Variants in RAPH1 observed in about 807,000 individuals in gnomAD.
RAPH1 encodes Ras association (RalGDS/AF-6) and pleckstrin homology domains 1, also known as ras-associated and pleckstrin homology domains-containing protein 1.
A neutral mutation model predicts 88.1 loss-of-function variants in RAPH1; 18 were observed. The observed-to-expected ratio is 0.20, with a 90% CI of 0.14 to 0.30. RAPH1 has a LOEUF of 0.30. Ranked by LOEUF, RAPH1 falls within the 10% of genes least tolerant of loss-of-function variation. The probability of loss-of-function intolerance (pLI) is 1.00; values close to 1 mark genes in which losing one functional copy is unlikely to be tolerated. For missense variants in RAPH1, 1,448 were observed against 1,543.2 expected, an observed-to-expected ratio of 0.94 and a Z score of 1.03; for synonymous variants, 587 against 559.0, an observed-to-expected ratio of 1.05 and a Z score of -0.71.
intron 1 of RAPH1, among the ~76,000 whole-genome samples, chr2:203,517,359 CAAAAAAAAAAA>C (rs71408943): frequency 4.0e-4 from 13 of 32,150 alleles, no homozygotes; most frequent in African/African-American, 7.7e-4. Flanking sequence ...CTATGAGAGG[CAAAAAAAAAAA>C]AAAAAAAAAA....
intron 4 of RAPH1, among the ~76,000 whole-genome samples, chr2:203,478,927 T>C (rs963625407): frequency 6.6e-6 from 1 of 152,240 alleles, no homozygotes; most frequent in African/African-American, 2.4e-5. Context: ...ATTGTTTTTG[T>C]TTTTCCCTGT....
At chr2:203,522,988 C>G (rs1347983980) in intron 1 of RAPH1, among the ~76,000 whole-genome samples, 1 of 151,396 alleles carries the variant, frequency 6.6e-6, no homozygotes, top group Non-Finnish European at 1.5e-5. Flanking sequence ...CACTATCCAG[C>G]TAAATAATCA....
At chr2:203,457,795 C>T (rs1447231092) in intron 7 of RAPH1, among the ~76,000 whole-genome samples, 200 bp from the exon 8 acceptor site, 2 of 152,184 alleles carry the variant, frequency 1.3e-5, no homozygotes, top group African/African-American at 2.4e-5. Flanking sequence ...AAATGCTTAA[C>T]ACCAGTCTCC....
Position 203,454,534 on chromosome 2 carries a change from G to A in RAPH1, c.1309C>T (p.Arg437Trp), listed in dbSNP as rs751275192. ...YVPKGKAKVSRDLVCFLQLDH... is the reference protein window; with the variant it reads ...YVPKGKAKVSWDLVCFLQLDH... The stretch of plus-strand genomic sequence containing the variant: ...AGCTGGAGAAAGCACACCAGATCCC[G>A]AGAGACCTAAGATAAAAACACCAAA... Residue 437 changes from arginine (R) to tryptophan (W), a missense_variant, in exon 10 of 14, where the codon CGG becomes TGG. Arg to Trp is a moderately radical substitution (Grantham distance 101, BLOSUM62 -3). Transcript: ENST00000319170. 2.6e-5 allele frequency: 42 copies of A among 1,610,778 alleles called. 2 individuals are homozygous for A. Among genetic ancestry groups the A allele is most frequent in the Middle Eastern group, 1.6e-4 (1 of 6,082 alleles).
intron 3 of RAPH1, among the ~76,000 whole-genome samples, 183 bp downstream of exon 3, chr2:203,491,031 C>T (rs1430600854): frequency 4.6e-5 from 6 of 129,176 alleles, no homozygotes; most frequent in Admixed American, 8.6e-5. Context: ...GCGACAAAAG[C>T]GAAACTCTGT....
At chr2:203,489,363 A>C (rs1688138686) in intron 4 of RAPH1, among the ~76,000 whole-genome samples, 1 of 152,210 alleles carries the variant, frequency 6.6e-6, no homozygotes, top group Admixed American at 6.5e-5. Flanking sequence ...CAAATACTAT[A>C]GTCACGAGAA....
rs1296098396 is a variant in RAPH1 at position 203,527,233 on chromosome 2, TA to T, written c.-1+7877del. 3.3e-5 allele frequency among the ~76,000 whole-genome samples: 5 copies of T among 152,316 alleles called. No individual in the cohort carries two copies. In the East Asian group the frequency reaches 9.6e-4, roughly 29 times the overall value. ...TAATCCTTATCTTAATACACACATG[TA>T]TTTTATATATAATACATATTTATCC... On this transcript the variant is annotated intron_variant, in intron 1 of 13. Transcript: ENST00000319170.
At chr2:203,453,711 T>C (rs1306370791) in intron 10 of RAPH1, among the ~76,000 whole-genome samples, 1 of 151,938 alleles carries the variant, frequency 6.6e-6, no homozygotes, top group Non-Finnish European at 1.5e-5. Context: ...AAACATGATA[T>C]GAACATGTAG....
chr2:203,480,308 G>A (rs1329270813), intron 4 of RAPH1, among the ~76,000 whole-genome samples: 1 of 152,200 alleles, frequency 6.6e-6, no homozygotes, highest in African/African-American at 2.4e-5. Context: ...CAGCACTTTG[G>A]GAGGCCCAGG....
intron 13 of RAPH1, chr2:203,444,421 A>G (rs1024366468): frequency 1.6e-5 from 2 of 126,402 alleles, no homozygotes; most frequent in African/African-American, 6.5e-5. Flanking sequence ...ACAGACTGAC[A>G]CTCTGTCAAA....
At chr2:203,478,486 T>C (rs775765520) in intron 4 of RAPH1, among the ~76,000 whole-genome samples, 10 of 146,006 alleles carry the variant, frequency 6.8e-5, no homozygotes, top group Non-Finnish European at 1.3e-4. Context: ...TCATTTTTTG[T>C]TTTTTTTTGT....
In RAPH1 at chr2:203,440,275, G is replaced by A. The variant is rs562041021; in HGVS notation, c.2915C>T (p.Pro972Leu). ...KTSSPGGKKP[P>L]PTPQRNSSIK... Reference sequence around the variant, plus strand: ...GCTGGAGTTGCGCTGTGGGGTTGGGGGTGGTTTCTTTCCCCCAGGGCTGGA... The same window carrying A: ...GCTGGAGTTGCGCTGTGGGGTTGGGAGTGGTTTCTTTCCCCCAGGGCTGGA... The change falls in exon 14 of 14, where the codon CCC (proline) becomes CTC (leucine). Residue 972 changes from proline (P) to leucine (L), a missense_variant. Physicochemically the swap from Pro to Leu is moderately conservative, Grantham distance 98. This residue lies in a region of RAPH1 where 935 missense variants were observed against 890.1 expected (regional missense o/e 1.05). Coordinates refer to ENST00000319170, the MANE Select transcript of RAPH1 (RefSeq NM_213589.3). 2 of 1,613,892 alleles carry A rather than the reference G, an allele frequency of 1.2e-6. No individual in the cohort carries two copies. Among genetic ancestry groups the A allele is most frequent in the South Asian group, 1.1e-5 (1 of 91,048 alleles).
chr2:203,449,322 G>A (rs111470175), intron 10 of RAPH1, among the ~76,000 whole-genome samples: 20 of 152,330 alleles, frequency 1.3e-4, no homozygotes, highest in African/African-American at 4.8e-4. Context: ...CTATGGCACA[G>A]CACCTGGGAC....
chr2:203,448,761 C>A lies in RAPH1; in HGVS notation c.1489G>T (p.Val497Phe), dbSNP rs1485940882. The A allele has an allele frequency of 6.2e-7, 1 of 1,607,510 alleles. No individual in the cohort carries two copies. The highest frequency in any genetic ancestry group is 8.5e-7 in the Non-Finnish European group (1 of 1,176,770). ...CDDVRTLHQWVNGIRIAKYGK... is the reference protein window; with the variant it reads ...CDDVRTLHQWFNGIRIAKYGK... ...GCCTTTGCAATGCGGATCCCATTGACCCACTGATGCAGTGTCCTCACATCA... is the reference window on the plus strand; with the variant it reads ...GCCTTTGCAATGCGGATCCCATTGAACCACTGATGCAGTGTCCTCACATCA... The change falls in exon 11 of 14, where the codon GTC (valine) becomes TTC (phenylalanine). Residue 497 changes from valine (V) to phenylalanine (F), a missense_variant. Transcript: ENST00000319170. This position sits in a 1 kb window ranked among gnomAD's most constrained non-coding sequence, Gnocchi z 4.1.
chr2:203,441,264 TGGAGGGGGTGGTGGA>T lies in RAPH1; in HGVS notation c.1911_1925del (p.Pro644_Pro648del). On this transcript the variant is annotated inframe_deletion, in exon 14 of 14. Transcript: ENST00000319170. Reference sequence around the variant, plus strand: ...TGGGGAGTGGGGGAGGAGGGGGTGGTGGAGGGGGTGGTGGAGGAGGAGGTGGGGGTGGCGGAGGAG... The same window carrying T: ...TGGGGAGTGGGGGAGGAGGGGGTGGTGGAGGAGGTGGGGGTGGCGGAGGAG... The T allele has an allele frequency of 6.2e-6, 1 of 161,084 alleles. No homozygotes were observed. 10.0% of individuals were successfully genotyped at this position (161,084 alleles called of 1,614,324 possible). A position where few individuals can be genotyped will look rare whatever the true frequency, so the allele number is the denominator to read the frequency against.
chr2:203,517,991 A>T (rs1178526691), intron 1 of RAPH1, among the ~76,000 whole-genome samples: 2 of 152,144 alleles, frequency 1.3e-5, no homozygotes, highest in Non-Finnish European at 2.9e-5. Flanking sequence ...CTAAATAAAC[A>T]GAAGAAATAA....
At position 203,488,604 on chromosome 2, in the gene RAPH1, A is replaced by AC. The variant is rs1400437771; in HGVS notation, c.732+979_732+980insG. Among the ~76,000 whole-genome samples, 4 of 147,996 alleles carry AC rather than the reference A, an allele frequency of 2.7e-5. No individual in the cohort carries two copies. The East Asian group carries it at 6.0e-4, about 22-fold the overall frequency. ...TCCGTCTATTAAAAAAAAAAAAAAA[A>AC]AAAAAAAAAAAAAACCTGTTTATGA... On this transcript the variant is annotated intron_variant, in intron 4 of 13. Coordinates refer to ENST00000319170, the MANE Select transcript of RAPH1 (RefSeq NM_213589.3).
rs767672567 is a variant in RAPH1 at position 203,448,867 on chromosome 2, T to G, written c.1414-31A>C. Reference sequence around the variant, plus strand: ...AGATTAAAGACAAAATCCAACTAAGTCCCTTGGAGAACTAAAGAAAAACAA... The same window carrying G: ...AGATTAAAGACAAAATCCAACTAAGGCCCTTGGAGAACTAAAGAAAAACAA... On this transcript the variant is annotated intron_variant, in intron 10 of 13. Coordinates refer to ENST00000319170, the MANE Select transcript of RAPH1 (RefSeq NM_213589.3). The surrounding 1 kb of genome is among the most constrained non-coding windows in gnomAD (Gnocchi z 4.1). 7 of 1,476,368 alleles carry G rather than the reference T, an allele frequency of 4.7e-6. No homozygotes were observed. In the South Asian group the frequency reaches 8.3e-5, roughly 18 times the overall value. 91.5% of individuals were successfully genotyped at this position (1,476,368 alleles called of 1,614,324 possible).
At chr2:203,465,318 T>C (rs912737816) in intron 4 of RAPH1, among the ~76,000 whole-genome samples, 7 of 152,158 alleles carry the variant, frequency 4.6e-5, no homozygotes, top group Admixed American at 1.3e-4. Context: ...TAAAATGAAA[T>C]GAGCTCTCAA....
Sources: allele counts gnomAD v4.1 joint callset (sites outside exome capture counted in the v4.1 genomes callset), GRCh38; gene constraint gnomAD v4.1.1; regional missense constraint gnomAD v4.1.1; non-coding constraint Gnocchi (gnomAD v3.1); transcripts MANE v1.5; gene names NCBI Gene and HGNC (gene_info 2026-07-23, HGNC 2026-07-21).